Variants in CHCHD6 observed in about 807,000 individuals in gnomAD.
The protein encoded by CHCHD6 is MICOS complex subunit MIC25.
Under a neutral mutation model 32.3 loss-of-function variants are expected in CHCHD6, and 28 were observed. The ratio of observed to expected loss-of-function variants is 0.87; its 90% CI spans 0.64 to 1.19. The LOEUF is 1.19. CHCHD6 is among the 50% of genes most tolerant of loss of function. The pLI, the probability that CHCHD6 is intolerant of heterozygous loss-of-function variation, is 0.00. For synonymous variants in CHCHD6, 122 were observed against 117.5 expected, an observed-to-expected ratio of 1.04 and a Z score of -0.25; for missense variants, 333 against 307.0, an observed-to-expected ratio of 1.08 and a Z score of -0.63.
intron 4 of CHCHD6, among the ~76,000 whole-genome samples, chr3:126,846,807 A>G (rs1043683065): frequency 2.6e-5 from 4 of 152,096 alleles, no homozygotes; most frequent in East Asian, 1.9e-4. Flanking sequence ...ATGGAGGGTC[A>G]TTATTTTCGC....
At chr3:126,862,315 A>C (rs1344657005) in intron 5 of CHCHD6, among the ~76,000 whole-genome samples, 1 of 77,084 alleles carries the variant, frequency 1.3e-5, no homozygotes, top group African/African-American at 5.0e-5. Context: ...TACCATCATC[A>C]CCTCCTCCTC....
At chr3:126,784,362 T>G (rs892046439) in intron 4 of CHCHD6, among the ~76,000 whole-genome samples, 3 of 152,202 alleles carry the variant, frequency 2.0e-5, no homozygotes, top group Non-Finnish European at 4.4e-5. Flanking sequence ...CCCAGCAGCC[T>G]CTTCCTGTTT....
intron 4 of CHCHD6, among the ~76,000 whole-genome samples, chr3:126,850,364 G>T (rs1193045565): frequency 1.3e-5 from 2 of 152,254 alleles, no homozygotes; most frequent in Non-Finnish European, 2.9e-5. Context: ...AGTAGGCCTT[G>T]ATGTCCTCAA....
intron 6 of CHCHD6, among the ~76,000 whole-genome samples, chr3:126,916,703 G>C (rs916959496): frequency 6.6e-6 from 1 of 152,208 alleles, no homozygotes; most frequent in Non-Finnish European, 1.5e-5. Flanking sequence ...GTTCCCCCCG[G>C]TATGTCCTGT....
At chr3:126,873,312 T>C (rs2077500898) in intron 5 of CHCHD6, among the ~76,000 whole-genome samples, 1 of 152,218 alleles carries the variant, frequency 6.6e-6, no homozygotes, top group South Asian at 2.1e-4. Context: ...TTGTCTTTTT[T>C]TCCCCCTCTT....
intron 4 of CHCHD6, among the ~76,000 whole-genome samples, chr3:126,846,919 C>T (rs2107549504): frequency 6.6e-6 from 1 of 152,286 alleles, no homozygotes; most frequent in East Asian, 1.9e-4. Flanking sequence ...AGACAGTCCA[C>T]TATATATTTA....
chr3:126,732,427 T>C (rs1935855064), intron 3 of CHCHD6, among the ~76,000 whole-genome samples: 1 of 152,246 alleles, frequency 6.6e-6, no homozygotes, highest in Non-Finnish European at 1.5e-5. Context: ...AAGCATTTAT[T>C]GGTTCTCAGT....
intron 6 of CHCHD6, among the ~76,000 whole-genome samples, chr3:126,916,844 A>G (rs2078178929): frequency 6.6e-6 from 1 of 152,254 alleles, no homozygotes; most frequent in South Asian, 2.1e-4. Context: ...GCCAGGCCAC[A>G]GCTCCTGCCC....
chr3:126,784,644 C>G (rs1938112201), intron 4 of CHCHD6, among the ~76,000 whole-genome samples: 1 of 152,166 alleles, frequency 6.6e-6, no homozygotes, highest in South Asian at 2.1e-4. Flanking sequence ...AGAAACTTTT[C>G]ACACCTTTCC....
Position 126,914,695 on chromosome 3 carries a change from A to C in CHCHD6, c.511A>C (p.Lys171Gln), listed in dbSNP as rs1456517787. The C allele has an allele frequency of 3.8e-6, 6 of 1,591,004 alleles. No individual in the cohort carries two copies. Among genetic ancestry groups the C allele is most frequent in the Admixed American group, 1.7e-5 (1 of 59,986 alleles). Reference sequence around the variant, plus strand: ...CTCCTTGTAGAATGCTGAGATGTATAAACTGTCTTCAGAGCAATTCCATGA... The same window carrying C: ...CTCCTTGTAGAATGCTGAGATGTATCAACTGTCTTCAGAGCAATTCCATGA... ...RIERKNAEMYKLSSEQFHEAA... is the reference protein window; with the variant it reads ...RIERKNAEMYQLSSEQFHEAA... The change falls in exon 6 of 8, where the codon AAA becomes CAA. Residue 171 changes from lysine (K) to glutamine (Q), a missense_variant. Lys to Gln is a moderately conservative substitution (Grantham distance 53, BLOSUM62 1). Transcript: ENST00000290913.
At chr3:126,929,906 C>A (rs1017984176) in intron 6 of CHCHD6, among the ~76,000 whole-genome samples, 1 of 152,204 alleles carries the variant, frequency 6.6e-6, no homozygotes, top group African/African-American at 2.4e-5. Context: ...ATGCCTTCCC[C>A]AACTAAGTCA....
intron 4 of CHCHD6, among the ~76,000 whole-genome samples, chr3:126,788,503 G>A (rs143810542): frequency 0.01 from 1,570 of 152,228 alleles, 28 homozygotes; most frequent in African/African-American, 0.035. Context: ...CAATTTCAGA[G>A]CCTGTTATTG....
chr3:126,836,110 G>GTTTTT (rs1007707998), intron 4 of CHCHD6, among the ~76,000 whole-genome samples: 3 of 152,228 alleles, frequency 2.0e-5, no homozygotes, highest in Non-Finnish European at 2.9e-5. Context: ...CTTGCTCAGA[G>GTTTTT]CTCTCCAGTG....
At chr3:126,789,676 G>A (rs1453546323) in intron 4 of CHCHD6, among the ~76,000 whole-genome samples, 2 of 152,040 alleles carry the variant, frequency 1.3e-5, no homozygotes, top group Non-Finnish European at 2.9e-5. Flanking sequence ...CCATTTGCTT[G>A]GTAGATCTTC....
chr3:126,768,991 C>G (rs1215397168), intron 4 of CHCHD6, among the ~76,000 whole-genome samples: 3 of 152,098 alleles, frequency 2.0e-5, no homozygotes, highest in Admixed American at 1.3e-4. Flanking sequence ...GTAGGTCGCA[C>G]GTTTACTCTG....
At chr3:126,946,696 C>T (rs2078644499) in intron 6 of CHCHD6, among the ~76,000 whole-genome samples, 1 of 152,198 alleles carries the variant, frequency 6.6e-6, no homozygotes, top group African/African-American at 2.4e-5. Context: ...CCTTAGTAAC[C>T]AGCTGGTCTC....
chr3:126,738,517 A>G (rs991378101), intron 4 of CHCHD6, among the ~76,000 whole-genome samples: 6 of 152,218 alleles, frequency 3.9e-5, no homozygotes, highest in Non-Finnish European at 1.5e-5. Flanking sequence ...TCCTCAGATT[A>G]TAAACTCCTT....
intron 5 of CHCHD6, among the ~76,000 whole-genome samples, chr3:126,893,445 G>A (rs371718560): frequency 7.9e-5 from 12 of 152,176 alleles, no homozygotes; most frequent in Admixed American, 6.5e-4. Flanking sequence ...CCTTGCCACC[G>A]GTGCTCTGGC....
chr3:126,895,261 T>G (rs940319597), intron 5 of CHCHD6, among the ~76,000 whole-genome samples: 4 of 152,226 alleles, frequency 2.6e-5, no homozygotes, highest in African/African-American at 9.6e-5. Flanking sequence ...TGAGGTGACT[T>G]GCCGGAGGGC....
Sources: allele counts gnomAD v4.1 joint callset (sites outside exome capture counted in the v4.1 genomes callset), GRCh38; gene constraint gnomAD v4.1.1; transcripts MANE v1.5; gene names NCBI Gene and HGNC (gene_info 2026-07-23, HGNC 2026-07-21).